Variants in PBX3 observed in about 807,000 individuals in gnomAD.
PBX3 encodes PBX homeobox 3, also known as pre-B-cell leukemia transcription factor 3.
PBX3 carries 14 observed loss-of-function variants against 48.5 expected under a neutral mutation model. The observed-to-expected ratio is 0.29, with a 90% CI of 0.19 to 0.45. PBX3 has a LOEUF of 0.45. Ranked by LOEUF, PBX3 falls within the 20% of genes least tolerant of loss-of-function variation. The pLI is 1.00. For missense variants in PBX3, 386 were observed against 546.7 expected, an observed-to-expected ratio of 0.71 and a Z score of 2.93; for synonymous variants, 210 against 200.3, an observed-to-expected ratio of 1.05 and a Z score of -0.41.
intron 2 of PBX3, among the ~76,000 whole-genome samples, chr9:125,821,980 A>C (rs1838665641): frequency 1.3e-5 from 2 of 152,010 alleles, no homozygotes; most frequent in African/African-American, 4.8e-5. Flanking sequence ...GTGGTGTAAT[A>C]TATTTTAATT....
At chr9:125,895,753 A>G (rs1017580785) in intron 2 of PBX3, among the ~76,000 whole-genome samples, 9 of 152,104 alleles carry the variant, frequency 5.9e-5, no homozygotes, top group African/African-American at 1.9e-4. Flanking sequence ...TACAGCAGTA[A>G]GAAGGTACGC....
intron 2 of PBX3, among the ~76,000 whole-genome samples, chr9:125,808,277 T>A (rs904531016): frequency 5.3e-5 from 8 of 152,208 alleles, no homozygotes; most frequent in African/African-American, 1.9e-4. Flanking sequence ...TGACAGCATC[T>A]AAAAAATTAT....
At chr9:125,833,669 C>A (rs1256707510) in intron 2 of PBX3, among the ~76,000 whole-genome samples, 1 of 152,004 alleles carries the variant, frequency 6.6e-6, no homozygotes, top group Non-Finnish European at 1.5e-5. Context: ...TGTGTTTTTC[C>A]CTATTTAGAC....
At chr9:125,920,702 A>G (rs574284419) in intron 3 of PBX3, among the ~76,000 whole-genome samples, 4 of 152,100 alleles carry the variant, frequency 2.6e-5, no homozygotes, top group East Asian at 1.9e-4. Flanking sequence ...AAGGGTCCCA[A>G]CCCTTCCCAA....
At chr9:125,895,733 A>G (rs958769996) in intron 2 of PBX3, among the ~76,000 whole-genome samples, 3 of 152,062 alleles carry the variant, frequency 2.0e-5, no homozygotes, top group South Asian at 2.1e-4. Context: ...TTTTATTCAA[A>G]TGTTCATCAT....
intron 2 of PBX3, among the ~76,000 whole-genome samples, chr9:125,834,457 G>A (rs970815784): frequency 1.3e-5 from 2 of 151,774 alleles, no homozygotes; most frequent in Non-Finnish European, 1.5e-5. Flanking sequence ...GAGTGCAATG[G>A]CTTGATCTCG....
intron 2 of PBX3, among the ~76,000 whole-genome samples, chr9:125,900,950 T>C (rs1189724438): frequency 2.0e-5 from 3 of 151,750 alleles, no homozygotes; most frequent in Admixed American, 2.0e-4. Flanking sequence ...TAACAAAATA[T>C]AAGAAAACTG....
chr9:125,752,211 T>C (rs1836394577), intron 2 of PBX3, among the ~76,000 whole-genome samples: 1 of 152,172 alleles, frequency 6.6e-6, no homozygotes, highest in Non-Finnish European at 1.5e-5. Context: ...CATGATGGTT[T>C]GCCAGATTTG....
intron 5 of PBX3, among the ~76,000 whole-genome samples, chr9:125,944,897 C>T (rs1339428125): frequency 6.6e-6 from 1 of 152,052 alleles, no homozygotes; most frequent in Admixed American, 6.6e-5. Context: ...CTCACTGTGC[C>T]TCCTTTTCTC....
chr9:125,949,536 A>G, intron 5 of PBX3: 2 of 1,418,984 alleles, frequency 1.4e-6, no homozygotes. Flanking sequence ...GTGTATATAT[A>G]TATATAGTAT....
chr9:125,964,396 A>T (rs2118832683), intron 8 of PBX3, among the ~76,000 whole-genome samples: 2 of 152,102 alleles, frequency 1.3e-5, no homozygotes, highest in South Asian at 4.2e-4. Flanking sequence ...TTCATACCTG[A>T]GGGGGGAAAC....
chr9:125,755,280 A>G (rs1836482541), intron 2 of PBX3, among the ~76,000 whole-genome samples: 1 of 152,142 alleles, frequency 6.6e-6, no homozygotes, highest in Non-Finnish European at 1.5e-5. Flanking sequence ...AACATTTATA[A>G]TAGAACAAAT....
At chr9:125,909,105 T>G (rs1160789540) in intron 2 of PBX3, among the ~76,000 whole-genome samples, 4 of 152,164 alleles carry the variant, frequency 2.6e-5, no homozygotes, top group Non-Finnish European at 5.9e-5. Context: ...GCCTTAAAAA[T>G]GTAACTCTTC....
intron 2 of PBX3, among the ~76,000 whole-genome samples, chr9:125,859,672 A>G (rs10986986): frequency 0.02 from 3,057 of 152,258 alleles, 172 homozygotes; most frequent in East Asian, 0.17. Context: ...GCTCTGTGGA[A>G]TTTGTTGGTG....
chr9:125,926,104 T>C (rs1204431066), intron 3 of PBX3, among the ~76,000 whole-genome samples: 1 of 152,244 alleles, frequency 6.6e-6, no homozygotes, highest in African/African-American at 2.4e-5. Flanking sequence ...GTAGAGTTGG[T>C]CACATTACAT....
At chr9:125,874,403 C>G (rs1840200035) in intron 2 of PBX3, among the ~76,000 whole-genome samples, 2 of 152,030 alleles carry the variant, frequency 1.3e-5, no homozygotes, top group South Asian at 4.1e-4. Context: ...ACAGGCTAGT[C>G]TTATTCACGA....
chr9:125,958,295 G>C (rs899490326), intron 5 of PBX3, among the ~76,000 whole-genome samples: 1 of 152,138 alleles, frequency 6.6e-6, no homozygotes, highest in African/African-American at 2.4e-5. Flanking sequence ...GCTCTGCCTG[G>C]CTCAGGCCCT....
intron 4 of PBX3, among the ~76,000 whole-genome samples, chr9:125,935,168 G>A (rs1841807833): frequency 6.6e-6 from 1 of 152,082 alleles, no homozygotes; most frequent in African/African-American, 2.4e-5. Flanking sequence ...TAAGCTCTCT[G>A]ATAGACCTTG....
At chr9:125,809,071 A>G (rs1488550657) in intron 2 of PBX3, among the ~76,000 whole-genome samples, 1 of 152,216 alleles carries the variant, frequency 6.6e-6, no homozygotes, top group Non-Finnish European at 1.5e-5. Flanking sequence ...ACCAACAAAA[A>G]GCACAAAATT....
Sources: allele counts gnomAD v4.1 joint callset (sites outside exome capture counted in the v4.1 genomes callset), GRCh38; gene constraint gnomAD v4.1.1; transcripts MANE v1.5; gene names NCBI Gene and HGNC (gene_info 2026-07-23, HGNC 2026-07-21).